Variants in PCDHGB4 observed in about 807,000 individuals in gnomAD.
PCDHGB4 encodes protocadherin gamma-B4.
PCDHGB4 carries 38 observed loss-of-function variants against 60.5 expected under a neutral mutation model. The ratio of observed to expected loss-of-function variants is 0.63; its 90% CI spans 0.48 to 0.82. The LOEUF (loss-of-function observed/expected upper bound fraction) is 0.82. Among genes scored for constraint, PCDHGB4 ranks in the 40% least tolerant of loss-of-function variants. The pLI, the probability that PCDHGB4 is intolerant of heterozygous loss-of-function variation, is 0.00. For missense variants in PCDHGB4, 1,109 were observed against 1,209.6 expected (o/e 0.92, Z 1.23); for synonymous variants, 456 against 509.7 (o/e 0.89, Z 1.42).
intron 1 of PCDHGB4, among the ~76,000 whole-genome samples, chr5:141,445,668 G>C (rs899062385): frequency 6.6e-6 from 1 of 152,156 alleles, no homozygotes; most frequent in Non-Finnish European, 1.5e-5. Flanking sequence ...ATGAGTAGAA[G>C]TTATCTAGGT....
intron 1 of PCDHGB4, chr5:141,475,974 A>G: frequency 1.0e-6 from 1 of 975,714 alleles, no homozygotes; most frequent in Non-Finnish European, 1.5e-6. Flanking sequence ...GCAGAGACTG[A>G]ACAGCCGGCG....
chr5:141,389,829 C>T lies in PCDHGB4; in HGVS notation c.1945C>T (p.Gln649Ter). The change falls in exon 1 of 4, where the codon CAG becomes TAG. Residue 649 changes from glutamine to a stop codon, truncating the protein, a stop_gained. Transcript: ENST00000519479. LOFTEE classifies it high-confidence loss of function. Reference protein sequence around the residue: ...RLLVAVRDGGQPPLSATATLH... With the variant: ...RLLVAVRDGG The stretch of plus-strand genomic sequence containing the variant: ...TCTGGTCGCCGTGCGTGACGGTGGA[C>T]AGCCACCACTCTCGGCCACTGCCAC... 1.9e-6 allele frequency: 3 copies of T among 1,613,980 alleles called. No individual in the cohort carries two copies. The highest frequency in any genetic ancestry group is 2.5e-6 in the Non-Finnish European group (3 of 1,179,894).
At chr5:141,458,217 T>C (rs1026901943) in intron 1 of PCDHGB4, among the ~76,000 whole-genome samples, 1 of 152,210 alleles carries the variant, frequency 6.6e-6, no homozygotes, top group Admixed American at 6.5e-5. Context: ...AAAATAAGTT[T>C]CCTTTCCCAG....
intron 1 of PCDHGB4, chr5:141,400,128 G>A: frequency 6.2e-7 from 1 of 1,614,080 alleles, no homozygotes; most frequent in South Asian, 1.1e-5. Flanking sequence ...TGCAGGAGGT[G>A]CTGCCGGATA....
intron 1 of PCDHGB4, chr5:141,417,121 G>C (rs2096086482): frequency 6.6e-6 from 1 of 152,110 alleles, no homozygotes; most frequent in Non-Finnish European, 1.5e-5. Context: ...GGACACCCTG[G>C]ATGATGGTAA....
At chr5:141,422,330 CTCT>C in intron 1 of PCDHGB4, 1 of 1,548,166 alleles carries the variant, frequency 6.5e-7, no homozygotes, top group East Asian at 2.2e-5. Context: ...ACAGTGATTG[CTCT>C]TCTAAATGTG....
In PCDHGB4 at chr5:141,476,327, G is replaced by A. The variant is rs2099389169; in HGVS notation, c.2398-18480G>A. The A allele has an allele frequency of 1.2e-6, 2 of 1,614,192 alleles. No individual in the cohort carries two copies. Among genetic ancestry groups the A allele is most frequent in the African/African-American group, 1.3e-5 (1 of 75,046 alleles). On this transcript the variant is annotated intron_variant, in intron 1 of 3. Transcript: ENST00000519479. The surrounding 1 kb of genome is among the most constrained non-coding windows in gnomAD (Gnocchi z 7.6). ...AGCCCGCAGGTTCCGGGTGGTGTCT[G>A]GAGCTAGCCGAAGATTCTTTGAGGT...
intron 1 of PCDHGB4, chr5:141,400,510 T>C: frequency 6.2e-7 from 1 of 1,613,972 alleles, no homozygotes; most frequent in Non-Finnish European, 8.5e-7. Context: ...CGAGTCGACT[T>C]CCCATCCTGA....
rs373421472 is a variant in PCDHGB4, at chr5:141,472,201, A to G, written c.2398-22606A>G. ...GTATTGGAATTTGAATCTTTTTGAC[A>G]CTAAGACCTTACTCTCGATCATATA... is the stretch of plus-strand genomic sequence containing the variant. On this transcript the variant is annotated intron_variant, in intron 1 of 3. Coordinates refer to ENST00000519479, the MANE Select transcript of PCDHGB4 (RefSeq NM_003736.4). Among the ~76,000 whole-genome samples the G allele has an allele frequency of 5.6e-4, 86 of 152,320 alleles. 2 individuals are homozygous for G. The South Asian group carries it at 0.017, about 30-fold the overall frequency.
Position 141,490,849 on chromosome 5 carries a change from C to A in PCDHGB4, c.2398-3958C>A, listed in dbSNP as rs200640560. The A allele has an allele frequency of 6.2e-7, 1 of 1,613,748 alleles. No individual in the cohort carries two copies. Among genetic ancestry groups the A allele is most frequent in the Non-Finnish European group, 8.5e-7 (1 of 1,179,862 alleles). On this transcript the variant is annotated intron_variant, in intron 1 of 3. Coordinates refer to ENST00000519479, the MANE Select transcript of PCDHGB4 (RefSeq NM_003736.4). This position sits in a 1 kb window ranked among gnomAD's most constrained non-coding sequence, Gnocchi z 5.4. ...GATGCTGCAGATTGTGGTGGGGGTT[C>A]GAGACTCCGGCTCTCCCCCATTGCA...
At chr5:141,402,391 T>C (rs1344810342) in intron 1 of PCDHGB4, among the ~76,000 whole-genome samples, 3 of 151,962 alleles carry the variant, frequency 2.0e-5, no homozygotes, top group African/African-American at 7.2e-5. Context: ...AAAAATTACT[T>C]CAGAAAATTG....
chr5:141,415,873 G>A lies in PCDHGB4; in HGVS notation c.2397+25592G>A, dbSNP rs905638480. The A allele has an allele frequency of 9.6e-6, 10 of 1,046,220 alleles. No homozygotes were observed. In the East Asian group the frequency reaches 1.8e-4, roughly 19 times the overall value. The allele number at this position is 1,046,220 out of a possible 1,614,324, so 64.8% of individuals were successfully genotyped here. A position where few individuals can be genotyped will look rare whatever the true frequency, so the allele number is the denominator to read the frequency against. On this transcript the variant is annotated intron_variant, in intron 1 of 3. Transcript: ENST00000519479. ...ACCTTGTAGTTTATAGTGTTGTTGA[G>A]TACAATATTGACAATTCCTAAGACA...
In PCDHGB4 at chr5:141,388,396, A is replaced by C; in HGVS notation, c.512A>C (p.Gln171Pro). The change falls in exon 1 of 4, where the codon CAA becomes CCA. Residue 171 changes from glutamine to proline, a missense_variant. Gln to Pro is a moderately conservative substitution (Grantham distance 76, BLOSUM62 -1). Coordinates refer to ENST00000519479, the MANE Select transcript of PCDHGB4 (RefSeq NM_003736.4). ...GGTAGCAACACACTGCAGAATTACCAACTCAGTCCCAGTGATCATTTCTCA... is the reference window on the plus strand; with the variant it reads ...GGTAGCAACACACTGCAGAATTACCCACTCAGTCCCAGTGATCATTTCTCA... ...DIGSNTLQNY[Q>P]LSPSDHFSLI... 1.2e-6 allele frequency: 2 copies of C among 1,614,014 alleles called. No homozygotes were observed. Among genetic ancestry groups the C allele is most frequent in the Non-Finnish European group, 1.7e-6 (2 of 1,179,904 alleles).
Position 141,483,626 on chromosome 5 carries a change from G to A in PCDHGB4, c.2398-11181G>A, listed in dbSNP as rs112905417. On this transcript the variant is annotated intron_variant, in intron 1 of 3. Coordinates refer to ENST00000519479, the MANE Select transcript of PCDHGB4 (RefSeq NM_003736.4). ...TTACACCTCCATCATTCCCATGGGA[G>A]AAGGTATAGAGGGGTGTGTGTTTGT... Among the ~76,000 whole-genome samples the A allele has an allele frequency of 6.0e-4, 90 of 150,886 alleles. 1 individual carries two copies. The highest frequency in any genetic ancestry group is 1.7e-3 in the African/African-American group (69 of 40,378).
intron 1 of PCDHGB4, chr5:141,395,395 T>TA: frequency 1.1e-6 from 1 of 906,424 alleles, no homozygotes; most frequent in Non-Finnish European, 1.6e-6. Flanking sequence ...AATTGAACTC[T>TA]AATAGTCATA....
intron 1 of PCDHGB4, chr5:141,413,176 A>T: frequency 6.2e-7 from 1 of 1,601,892 alleles, no homozygotes; most frequent in Non-Finnish European, 8.5e-7. Context: ...CCAGACTACA[A>T]TGGCCGCTCA....
chr5:141,495,010 G>A (rs1327870362), intron 2 of PCDHGB4, 145 bp downstream of exon 2: 6 of 1,516,970 alleles, frequency 4.0e-6, no homozygotes, highest in Non-Finnish European at 5.3e-6. Context: ...GTGTGCGGGG[G>A]GCTGGCACAC....
At chr5:141,395,542 T>TTGTTTGTTTG (rs1267535064) in intron 1 of PCDHGB4, 1 of 168,708 alleles carries the variant, frequency 5.9e-6, no homozygotes, top group African/African-American at 5.7e-5. Context: ...TTGCTATTGT[T>TTGTTTGTTTG]TGTGTGTGTG....
chr5:141,433,289 G>A, intron 1 of PCDHGB4: 1 of 1,130,682 alleles, frequency 8.8e-7, no homozygotes, highest in Non-Finnish European at 1.3e-6. Flanking sequence ...AAACTCCTAG[G>A]CTCAAGCAAT....
Sources: gnomAD v4.1 joint callset for allele counts (sites outside exome capture counted in the v4.1 genomes callset) on GRCh38, gnomAD v4.1.1 for gene constraint, Gnocchi (gnomAD v3.1) non-coding constraint, MANE v1.5 for transcripts, NCBI Gene and HGNC (gene_info 2026-07-23, HGNC 2026-07-21) for gene names.